Variants in RORA observed in about 807,000 individuals in gnomAD.
RORA encodes nuclear receptor ROR-alpha.
RORA carries 7 observed loss-of-function variants against 69.5 expected under a neutral mutation model. The observed-to-expected ratio is 0.10, with a 90% confidence interval of 0.06 to 0.19. RORA has a LOEUF of 0.19. Among genes scored for constraint, RORA ranks in the 10% least tolerant of loss-of-function variants. The pLI, the probability that RORA is intolerant of heterozygous loss-of-function variation, is 1.00. For synonymous variants in RORA, 261 were observed against 240.8 expected (o/e 1.08, Z -0.78); for missense variants, 457 against 663.0 (o/e 0.69, Z 3.41).
intron 2 of RORA, chr15:60,546,311 TGAGA>T (rs1460863001): frequency 6.6e-6 from 1 of 152,206 alleles, no homozygotes; most frequent in East Asian, 1.9e-4. Context: ...GCTTGTCTAT[TGAGA>T]GAGTAATTGT....
chr15:61,094,760 T>A (rs946763630), intron 1 of RORA, among the ~76,000 whole-genome samples: 1 of 152,206 alleles, frequency 6.6e-6, no homozygotes, highest in Non-Finnish European at 1.5e-5. Context: ...GAAGACCCAG[T>A]TACTGCCCTT....
In RORA at chr15:60,926,620, C is replaced by A. The variant is rs149298238; in HGVS notation, c.167-247934G>T. Among the ~76,000 whole-genome samples the A allele has an allele frequency of 4.6e-3, 704 of 152,342 alleles. 6 individuals are homozygous for A. The highest frequency in any genetic ancestry group is 7.8e-3 in the Non-Finnish European group (534 of 68,030). The stretch of plus-strand genomic sequence containing the variant: ...CTCTGCAGCTTCATTTCTAGGAGAT[C>A]ATTTGAGAAATGCACAAATATATAT... On this transcript the variant is annotated intron_variant, in intron 1 of 10. Transcript: ENST00000335670.
chr15:61,228,962 A>G (rs1018029985), intron 1 of RORA, 91 bp downstream of exon 1: 1 of 501,686 alleles, frequency 2.0e-6, no homozygotes, highest in Non-Finnish European at 2.5e-6. Context: ...CGGCCGCCGG[A>G]CCCCGCGCCC....
rs977572057 is a variant in RORA at position 61,192,945 on chromosome 15, C to A, written c.166+36108G>T. On this transcript the variant is annotated intron_variant, in intron 1 of 10. Transcript: ENST00000335670. ...GTCAACAGAACAGTGTTTGCACATACTAGTTGTTGCTATTCCTATTATCTT... is the reference window on the plus strand; with the variant it reads ...GTCAACAGAACAGTGTTTGCACATAATAGTTGTTGCTATTCCTATTATCTT... 3.3e-5 allele frequency among the ~76,000 whole-genome samples: 5 copies of A among 152,092 alleles called. No homozygotes were observed. The South Asian group carries it at 8.3e-4, about 25-fold the overall frequency.
At chr15:61,216,335 A>G (rs570903286) in intron 1 of RORA, among the ~76,000 whole-genome samples, 3 of 152,346 alleles carry the variant, frequency 2.0e-5, no homozygotes, top group Non-Finnish European at 4.4e-5. Flanking sequence ...ACAGCAGAGC[A>G]ATTTCAAACA....
Position 60,623,908 on chromosome 15 carries a change from A to G in RORA, c.196+54749T>C, listed in dbSNP as rs893138914. 3.9e-5 allele frequency among the ~76,000 whole-genome samples: 6 copies of G among 152,146 alleles called. No individual in the cohort carries two copies. The East Asian group carries it at 1.2e-3, about 29-fold the overall frequency. On this transcript the variant is annotated intron_variant, in intron 2 of 10. Transcript: ENST00000335670. ...CTAAATAAGTTATAGCTTCTCTGTG[A>G]CTTGTTTTCTGTATCTGAAATATGA... is the stretch of plus-strand genomic sequence containing the variant.
At chr15:60,972,204 G>C (rs1893737985) in intron 1 of RORA, among the ~76,000 whole-genome samples, 1 of 152,190 alleles carries the variant, frequency 6.6e-6, no homozygotes, top group Non-Finnish European at 1.5e-5. Context: ...GGGTAGATTG[G>C]ATTTGCATAT....
chr15:60,760,374 T>G (rs956313260), intron 1 of RORA, among the ~76,000 whole-genome samples: 5 of 152,178 alleles, frequency 3.3e-5, no homozygotes, highest in Non-Finnish European at 5.9e-5. Flanking sequence ...TTGGAATAAT[T>G]CATTAGCTGA....
intron 1 of RORA, among the ~76,000 whole-genome samples, chr15:60,921,537 G>A (rs1429599621): frequency 6.6e-6 from 1 of 152,198 alleles, no homozygotes; most frequent in Non-Finnish European, 1.5e-5. Flanking sequence ...GTAGTGACTG[G>A]CAAGGTCATG....
chr15:61,046,750 GGCCTTCAACAGAGAGGGAAAAAACA>G (rs1273082028), intron 1 of RORA, among the ~76,000 whole-genome samples: 1 of 152,170 alleles, frequency 6.6e-6, no homozygotes. Flanking sequence ...GATGCCAACA[GGCCTTCAACAGAGAGGGAAAAAACA>G]GCCTTCAACA....
intron 2 of RORA, among the ~76,000 whole-genome samples, chr15:60,631,014 C>T (rs990533367): frequency 4.6e-5 from 7 of 151,602 alleles, no homozygotes; most frequent in Non-Finnish European, 7.4e-5. Context: ...CTCAGCCTCC[C>T]GAGTAGCTGG....
chr15:60,864,959 G>T (rs1319961310), intron 1 of RORA, among the ~76,000 whole-genome samples: 1 of 152,190 alleles, frequency 6.6e-6, no homozygotes, highest in Non-Finnish European at 1.5e-5. Context: ...GTTTTACCTT[G>T]CCTCTTCCTT....
intron 1 of RORA, among the ~76,000 whole-genome samples, chr15:61,166,367 T>C (rs960548840): frequency 6.6e-6 from 1 of 152,116 alleles, no homozygotes; most frequent in African/African-American, 2.4e-5. Context: ...ACGTCAGCCT[T>C]GTGAATCTGT....
At chr15:60,782,869 T>C (rs985645174) in intron 1 of RORA, among the ~76,000 whole-genome samples, 1 of 152,240 alleles carries the variant, frequency 6.6e-6, no homozygotes, top group Non-Finnish European at 1.5e-5. Flanking sequence ...ACTCAAATGC[T>C]ATAGGCATTG....
rs2065139051 is a variant in RORA, at chr15:60,495,268, TAA to T, written c.*2185_*2186del. ...TTAAAGGAACTATGCTTACTTAAAT[TAA>T]AGATTTGATTTAACCCTTCTTGCCC... On this transcript the variant is annotated 3_prime_UTR_variant, in exon 11 of 11. Coordinates refer to ENST00000335670, the MANE Select transcript of RORA (RefSeq NM_134261.3). 6.6e-6 allele frequency: 1 copy of T among 152,322 alleles called. No individual in the cohort carries two copies. Among genetic ancestry groups the T allele is most frequent in the East Asian group, 1.9e-4 (1 of 5,182 alleles). 9.4% of individuals were successfully genotyped at this position (152,322 alleles called of 1,614,324 possible).
intron 2 of RORA, among the ~76,000 whole-genome samples, chr15:60,560,864 A>C (rs1200478017): frequency 6.6e-6 from 1 of 152,200 alleles, no homozygotes; most frequent in Non-Finnish European, 1.5e-5. Flanking sequence ...AGCTTATTGA[A>C]GCAAATATAG....
intron 1 of RORA, among the ~76,000 whole-genome samples, chr15:61,193,321 G>A (rs2079818157): frequency 1.3e-5 from 2 of 152,228 alleles, no homozygotes; most frequent in African/African-American, 4.8e-5. Flanking sequence ...ACCACTGGGT[G>A]TACTACATCC....
intron 1 of RORA, among the ~76,000 whole-genome samples, chr15:61,153,487 C>A (rs1246401922): frequency 6.6e-6 from 1 of 152,160 alleles, no homozygotes; most frequent in Non-Finnish European, 1.5e-5. Context: ...ACAGCTGCAT[C>A]CAGTGAGCAG....
intron 1 of RORA, among the ~76,000 whole-genome samples, chr15:60,837,986 G>A (rs2073141256): frequency 6.6e-6 from 1 of 152,136 alleles, no homozygotes; most frequent in Non-Finnish European, 1.5e-5. Flanking sequence ...TTGAGAAGGG[G>A]CTTTTAGAAA....
Sources: allele counts gnomAD v4.1 joint callset (sites outside exome capture counted in the v4.1 genomes callset), GRCh38; gene constraint gnomAD v4.1.1; transcripts MANE v1.5; gene names NCBI Gene and HGNC (gene_info 2026-07-23, HGNC 2026-07-21).